THSD4: variants seen among roughly 807,000 people sequenced by gnomAD.
THSD4 encodes thrombospondin type 1 domain containing 4, also known as thrombospondin type-1 domain-containing protein 4.
A neutral mutation model predicts 119.0 loss-of-function variants in THSD4; 69 were observed. The observed-to-expected ratio is 0.58, with a 90% CI of 0.48 to 0.71. The LOEUF (loss-of-function observed/expected upper bound fraction) is 0.71. Ranked by LOEUF, THSD4 falls within the 30% of genes least tolerant of loss-of-function variation. The pLI, the probability that THSD4 is intolerant of heterozygous loss-of-function variation, is 0.00. For synonymous variants in THSD4, 524 were observed against 540.4 expected (o/e 0.97, Z 0.42); for missense variants, 1,393 against 1,391.1 (o/e 1.00, Z -0.02).
intron 7 of THSD4, among the ~76,000 whole-genome samples, chr15:71,485,717 C>A (rs1455429985): frequency 6.6e-6 from 1 of 152,034 alleles, no homozygotes; most frequent in South Asian, 2.1e-4. Flanking sequence ...AAAACTGTTT[C>A]CTACATTATT....
At chr15:71,292,089 A>C (rs2044799952) in intron 6 of THSD4, among the ~76,000 whole-genome samples, 1 of 152,268 alleles carries the variant, frequency 6.6e-6, no homozygotes, top group African/African-American at 2.4e-5. Context: ...AGTTTTGGAA[A>C]TCAGTGTTGG....
intron 3 of THSD4, chr15:71,186,889 T>C (rs2043611030): frequency 6.6e-6 from 1 of 152,258 alleles, no homozygotes; most frequent in Admixed American, 6.5e-5. Context: ...CTAGTCATCA[T>C]TGATCTAAGT....
intron 7 of THSD4, among the ~76,000 whole-genome samples, chr15:71,589,894 A>T (rs2140870667): frequency 7.2e-6 from 1 of 139,772 alleles, no homozygotes; most frequent in African/African-American, 2.5e-5. Flanking sequence ...AACTAGAGCC[A>T]CATGTGTCAT....
In THSD4 at chr15:71,283,903, G is replaced by T. The variant is rs148752850; in HGVS notation, c.1015+27188G>T. On this transcript the variant is annotated intron_variant, in intron 6 of 17. Transcript: ENST00000261862. ...CCAGGGATGGTAAATGGAGACTCTGGTGGGGGAGGGAAAGAGCTAGCCCTT... is the reference window on the plus strand; with the variant it reads ...CCAGGGATGGTAAATGGAGACTCTGTTGGGGGAGGGAAAGAGCTAGCCCTT... Among the ~76,000 whole-genome samples, 883 of 152,314 alleles carry T rather than the reference G, an allele frequency of 5.8e-3. 12 individuals are homozygous for T. The highest frequency in any genetic ancestry group is 0.02 in the African/African-American group (834 of 41,568).
intron 7 of THSD4, among the ~76,000 whole-genome samples, chr15:71,528,735 C>A (rs1313411885): frequency 1.3e-5 from 2 of 152,180 alleles, no homozygotes; most frequent in African/African-American, 4.8e-5. Flanking sequence ...ATGAGACATG[C>A]TTCTTTCACA....
Position 71,753,224 on chromosome 15 carries a change from T to C in THSD4, c.2415+4630T>C, listed in dbSNP as rs116186090. Among the ~76,000 whole-genome samples, 741 of 152,312 alleles carry C rather than the reference T, an allele frequency of 4.9e-3. 8 individuals carry two copies. The highest frequency in any genetic ancestry group is 0.017 in the African/African-American group (687 of 41,562). On this transcript the variant is annotated intron_variant, in intron 14 of 17. Transcript: ENST00000261862. Reference sequence around the variant, plus strand: ...ACCTTAAAAACATCTTTTCAGCTGCTTGTACTTGAGAGTGGGCCTTATCAG... The same window carrying C: ...ACCTTAAAAACATCTTTTCAGCTGCCTGTACTTGAGAGTGGGCCTTATCAG...
chr15:71,181,995 AGCGGAC>A (rs1159671622), intron 3 of THSD4, among the ~76,000 whole-genome samples: 1 of 152,228 alleles, frequency 6.6e-6, no homozygotes, highest in Non-Finnish European at 1.5e-5. Context: ...CATCAGAGGA[AGCGGAC>A]ACTGGGGATG....
chr15:71,757,759 C>T, intron 14 of THSD4, 143 bp from the exon 15 acceptor site: 2 of 983,362 alleles, frequency 2.0e-6, no homozygotes, highest in East Asian at 5.2e-5. Context: ...ATGGAGTAGG[C>T]TATGCACGAG....
At chr15:71,214,410 C>T (rs979235533) in intron 3 of THSD4, among the ~76,000 whole-genome samples, 4 of 152,242 alleles carry the variant, frequency 2.6e-5, no homozygotes, top group Non-Finnish European at 4.4e-5. Context: ...CACTCAACAG[C>T]GAAGGTCTGC....
Position 71,678,451 on chromosome 15 carries a change from A to G in THSD4, c.1357+17717A>G, listed in dbSNP as rs187533549. 1.2e-3 allele frequency among the ~76,000 whole-genome samples: 177 copies of G among 152,276 alleles called. 1 individual carries two copies. The highest frequency in any genetic ancestry group is 3.5e-4 in the Non-Finnish European group (24 of 68,016). On this transcript the variant is annotated intron_variant, in intron 8 of 17. Transcript: ENST00000261862. ...TGAGCATCAGAGCTTCAGAAATGTG[A>G]AACCTGCCTTCTAAGATTGCCCTCT...
chr15:71,365,967 C>G (rs2045956426), intron 6 of THSD4, among the ~76,000 whole-genome samples: 2 of 152,154 alleles, frequency 1.3e-5, no homozygotes, highest in Non-Finnish European at 2.9e-5. Context: ...TTACCACTCC[C>G]CTCTCTAAAC....
chr15:71,293,946 C>T (rs949557319), intron 6 of THSD4, among the ~76,000 whole-genome samples: 3 of 152,008 alleles, frequency 2.0e-5, no homozygotes, highest in Non-Finnish European at 4.4e-5. Flanking sequence ...GTGAGACCAC[C>T]GTGAATCCTG....
chr15:71,153,133 C>A (rs558536712), intron 2 of THSD4, among the ~76,000 whole-genome samples: 2 of 152,146 alleles, frequency 1.3e-5, no homozygotes, highest in Non-Finnish European at 2.9e-5. Flanking sequence ...ATCCTTGTAC[C>A]CCCAGATACC....
At chr15:71,122,306 G>T (rs371720060) in intron 1 of THSD4, among the ~76,000 whole-genome samples, 37 of 152,218 alleles carry the variant, frequency 2.4e-4, no homozygotes, top group African/African-American at 8.9e-4. Context: ...CTACTCTACA[G>T]CTAGAAAACT....
At chr15:71,730,195 A>T (rs1288601432) in intron 9 of THSD4, 1 of 152,222 alleles carries the variant, frequency 6.6e-6, no homozygotes, top group East Asian at 1.9e-4. Flanking sequence ...CAAAAACTGC[A>T]GGGTGAAGGG....
intron 7 of THSD4, among the ~76,000 whole-genome samples, chr15:71,540,869 C>T (rs544665929): frequency 2.1e-4 from 32 of 151,728 alleles, no homozygotes; most frequent in Non-Finnish European, 2.8e-4. Flanking sequence ...ATTACAAGCA[C>T]GTGCCACCAC....
Position 71,342,756 on chromosome 15 carries a change from T to G in THSD4, c.1016-68931T>G, listed in dbSNP as rs557158088. The G allele has an allele frequency of 6.6e-5, 10 of 152,452 alleles. No individual in the cohort carries two copies. In the East Asian group the frequency reaches 1.9e-3, roughly 29 times the overall value. The allele number at this position is 152,452 out of a possible 1,614,324, so 9.4% of individuals were successfully genotyped here. A position where few individuals can be genotyped will look rare whatever the true frequency, so the allele number is the denominator to read the frequency against. On this transcript the variant is annotated intron_variant, in intron 6 of 17. Coordinates refer to ENST00000261862, the MANE Select transcript of THSD4 (RefSeq NM_024817.3). ...GCGGCCCTCCCCACCCCACAGCAGC[T>G]GATGGGGGTCCTTGGATACCAACTA...
intron 9 of THSD4, 63 bp from the exon 10 acceptor site, chr15:71,731,058 T>C (rs1387289358): frequency 7.2e-6 from 11 of 1,525,172 alleles, no homozygotes; most frequent in South Asian, 1.1e-5. Context: ...GCAAATGCCA[T>C]TGAAACCCAG....
intron 7 of THSD4, among the ~76,000 whole-genome samples, chr15:71,473,518 A>G (rs1255295588): frequency 6.6e-6 from 1 of 152,180 alleles, no homozygotes; most frequent in Non-Finnish European, 1.5e-5. Context: ...CTATTGGTAA[A>G]TGACTGTTCA....
Sources: gnomAD v4.1 joint callset for allele counts (sites outside exome capture counted in the v4.1 genomes callset) on GRCh38, gnomAD v4.1.1 for gene constraint, MANE v1.5 for transcripts, NCBI Gene and HGNC (gene_info 2026-07-23, HGNC 2026-07-21) for gene names.